Variants in STARD3NL observed in about 807,000 individuals in gnomAD.
STARD3NL encodes the protein STARD3 N-terminal-like protein.
STARD3NL carries 17 observed loss-of-function variants against 30.9 expected under a neutral mutation model. The observed-to-expected ratio is 0.55, with a 90% CI of 0.38 to 0.82. The LOEUF (loss-of-function observed/expected upper bound fraction) is 0.82. STARD3NL is among the 40% of genes least tolerant of loss of function. The pLI is 0.00. For synonymous variants in STARD3NL, 112 were observed against 100.5 expected (o/e 1.11, Z -0.69); for missense variants, 234 against 277.6 (o/e 0.84, Z 1.12).
intron 1 of STARD3NL, among the ~76,000 whole-genome samples, chr7:38,197,198 C>CTTTCTTTCTT (rs56022939): frequency 1.3e-4 from 4 of 30,752 alleles, no homozygotes; most frequent in Non-Finnish European, 3.2e-4. Flanking sequence ...CTTTCTTTTT[C>CTTTCTTTCTT]TCTCTCTCTC....
At chr7:38,204,748 TAAA>T (rs1187895602) in intron 1 of STARD3NL, among the ~76,000 whole-genome samples, 2 of 151,144 alleles carry the variant, frequency 1.3e-5, no homozygotes, top group Non-Finnish European at 3.0e-5. Flanking sequence ...GCAAGACTAA[TAAA>T]GAAGAAAAGA....
chr7:38,228,728 A>G, intron 7 of STARD3NL, 71 bp from the exon 8 acceptor site: 1 of 1,318,214 alleles, frequency 7.6e-7, no homozygotes, highest in Non-Finnish European at 1.1e-6. Context: ...TTTTAAACCT[A>G]TTTATTTAAA....
chr7:38,201,827 A>G (rs1191450409), intron 1 of STARD3NL: 1 of 152,230 alleles, frequency 6.6e-6, no homozygotes, highest in Non-Finnish European at 1.5e-5. Flanking sequence ...AGCTGGGACT[A>G]CAGGTGTGCA....
chr7:38,195,209 A>G (rs901807929), intron 1 of STARD3NL, among the ~76,000 whole-genome samples: 6 of 152,070 alleles, frequency 3.9e-5, no homozygotes, highest in Non-Finnish European at 7.4e-5. Flanking sequence ...GGCGCACGTC[A>G]CCATGCTTGG....
Position 38,207,561 on chromosome 7 carries a change from T to C in STARD3NL, c.57T>C (p.His19=). 6.2e-7 allele frequency: 1 copy of C among 1,614,048 alleles called. No individual in the cohort carries two copies. The highest frequency in any genetic ancestry group is 1.1e-5 in the South Asian group (1 of 91,092). ...CTCTCACCGGGAGCCAGAGCTCCCA[T>C]GCTTCTCTGCGCAATATCCATTCCA... ...ENALTGSQSS[H]ASLRNIHSIN... The change falls in exon 2 of 9, where the codon CAT becomes CAC. Residue 19 remains histidine, a synonymous_variant. Transcript: ENST00000009041.
chr7:38,212,865 A>G (rs1785888425), intron 2 of STARD3NL, among the ~76,000 whole-genome samples: 1 of 152,168 alleles, frequency 6.6e-6, no homozygotes. Context: ...CTGGGAAGGG[A>G]TTTTGTGTGA....
At chr7:38,217,369 T>C in intron 6 of STARD3NL, 64 bp downstream of exon 6, 1 of 1,503,368 alleles carries the variant, frequency 6.7e-7, no homozygotes, top group Non-Finnish European at 9.2e-7. Flanking sequence ...GGAAGAGATG[T>C]GGTTTCTTGG....
Position 38,219,545 on chromosome 7 carries a change from C to T in STARD3NL, c.554-20C>T, listed in dbSNP as rs746283785. The T allele has an allele frequency of 3.8e-6, 6 of 1,564,520 alleles. No homozygotes were observed. The South Asian group carries it at 6.9e-5, about 18-fold the overall frequency. On this transcript the variant is annotated intron_variant, in intron 6 of 8. Coordinates refer to ENST00000009041, the MANE Select transcript of STARD3NL (RefSeq NM_032016.4). ...AGAAAGGTGACCTCATTCCCAACAT[C>T]TGAATTTCTTCTCTTCCAGGACTCC...
intron 2 of STARD3NL, among the ~76,000 whole-genome samples, chr7:38,212,080 A>T (rs1785840896): frequency 6.6e-6 from 1 of 152,102 alleles, no homozygotes; most frequent in Non-Finnish European, 1.5e-5. Flanking sequence ...CTCACCCTGC[A>T]ATCCATTCTT....
At chr7:38,212,652 T>G (rs1785874760) in intron 2 of STARD3NL, among the ~76,000 whole-genome samples, 1 of 152,194 alleles carries the variant, frequency 6.6e-6, no homozygotes, top group African/African-American at 2.4e-5. Flanking sequence ...TGGGACAGAT[T>G]GGCAGTAAGA....
chr7:38,223,827 T>C (rs1020417010), intron 7 of STARD3NL, among the ~76,000 whole-genome samples: 1 of 152,220 alleles, frequency 6.6e-6, no homozygotes, highest in African/African-American at 2.4e-5. Flanking sequence ...AATTTGCATA[T>C]AATAAAACTC....
chr7:38,196,528 A>G (rs1011233308), intron 1 of STARD3NL, among the ~76,000 whole-genome samples: 65 of 152,212 alleles, frequency 4.3e-4, no homozygotes, highest in African/African-American at 1.5e-3. Flanking sequence ...AATGCTTTGT[A>G]GAGTTTCATA....
intron 1 of STARD3NL, among the ~76,000 whole-genome samples, chr7:38,180,367 T>G (rs961330740): frequency 6.6e-6 from 1 of 152,250 alleles, no homozygotes; most frequent in African/African-American, 2.4e-5. Context: ...ATACTCTTTC[T>G]TATTACCTGT....
At position 38,213,208 on chromosome 7, in the gene STARD3NL, A is replaced by G. The variant is rs1583815587; in HGVS notation, c.226-1149A>G. Among the ~76,000 whole-genome samples the G allele has an allele frequency of 2.6e-5, 4 of 152,294 alleles. 1 individual carries two copies. On this transcript the variant is annotated intron_variant, in intron 2 of 8. Transcript: ENST00000009041. Reference sequence around the variant, plus strand: ...ACAAGTTTCCTTAGTCCGGAGAGACAGTAATGAGACTAAATGGTTGGGTGT... The same window carrying G: ...ACAAGTTTCCTTAGTCCGGAGAGACGGTAATGAGACTAAATGGTTGGGTGT...
At chr7:38,188,333 T>C (rs555530636) in intron 1 of STARD3NL, among the ~76,000 whole-genome samples, 3 of 152,162 alleles carry the variant, frequency 2.0e-5, no homozygotes, top group Non-Finnish European at 2.9e-5. Context: ...TTGCCCCTGT[T>C]CTTCCCTCTA....
chr7:38,191,144 A>G (rs1784670568), intron 1 of STARD3NL, among the ~76,000 whole-genome samples: 2 of 152,212 alleles, frequency 1.3e-5, no homozygotes, highest in African/African-American at 2.4e-5. Context: ...GCCAGCATCC[A>G]TAATGGTCCT....
chr7:38,196,347 G>A (rs925840318), intron 1 of STARD3NL, among the ~76,000 whole-genome samples: 1 of 152,058 alleles, frequency 6.6e-6, no homozygotes, highest in Non-Finnish European at 1.5e-5. Context: ...TTAGACTTGA[G>A]CATGTGCCTG....
At chr7:38,199,237 GC>G (rs758354330) in intron 1 of STARD3NL, among the ~76,000 whole-genome samples, 20 of 152,142 alleles carry the variant, frequency 1.3e-4, no homozygotes, top group Non-Finnish European at 2.5e-4. Context: ...GAGAGGTATG[GC>G]TTTCCTTAAG....
intron 2 of STARD3NL, among the ~76,000 whole-genome samples, chr7:38,211,111 G>GA (rs933597167): frequency 3.3e-5 from 5 of 151,866 alleles, no homozygotes; most frequent in Non-Finnish European, 7.4e-5. Context: ...CCAGAAAGAA[G>GA]AAAAAAATGC....
Sources: allele counts gnomAD v4.1 joint callset (sites outside exome capture counted in the v4.1 genomes callset), GRCh38; gene constraint gnomAD v4.1.1; transcripts MANE v1.5; gene names NCBI Gene and HGNC (gene_info 2026-07-23, HGNC 2026-07-21).